Variants in GABRB1 observed in about 807,000 individuals in gnomAD.
GABRB1 encodes gamma-aminobutyric acid type A receptor subunit beta1.
GABRB1 carries 17 observed loss-of-function variants against 51.6 expected under a neutral mutation model. The ratio of observed to expected loss-of-function variants is 0.33; its 90% CI spans 0.23 to 0.49. The LOEUF is 0.49. Ranked by LOEUF, GABRB1 falls within the 20% of genes least tolerant of loss-of-function variation. The pLI, the probability that GABRB1 is intolerant of heterozygous loss-of-function variation, is 0.99. For synonymous variants in GABRB1, 247 were observed against 218.9 expected, an observed-to-expected ratio of 1.13 and a Z score of -1.14; for missense variants, 410 against 600.6, an observed-to-expected ratio of 0.68 and a Z score of 3.32.
chr4:47,092,908 C>T (rs1187910331), intron 3 of GABRB1, among the ~76,000 whole-genome samples: 3 of 152,152 alleles, frequency 2.0e-5, no homozygotes, highest in African/African-American at 4.8e-5. Flanking sequence ...CCACTGCGTC[C>T]CGCCGGCATA....
intron 4 of GABRB1, among the ~76,000 whole-genome samples, chr4:47,238,908 T>C (rs570574449): frequency 2.2e-4 from 33 of 152,332 alleles, no homozygotes; most frequent in African/African-American, 7.9e-4. Context: ...GGATGAAACA[T>C]TAATGCTTCA....
chr4:47,240,214 C>T (rs1378499398), intron 4 of GABRB1, among the ~76,000 whole-genome samples: 1 of 152,100 alleles, frequency 6.6e-6, no homozygotes, highest in Admixed American at 6.6e-5. Context: ...CTAAATTTTT[C>T]TGAGCTAGTT....
At chr4:47,020,982 G>A (rs1156543113) in intron 1 of GABRB1, among the ~76,000 whole-genome samples, 3 of 152,142 alleles carry the variant, frequency 2.0e-5, no homozygotes, top group Non-Finnish European at 4.4e-5. Flanking sequence ...GCAGTTTTCT[G>A]TTGGTAGTGC....
chr4:47,211,242 C>T lies in GABRB1; in HGVS notation c.461+49773C>T, dbSNP rs75128827. Among the ~76,000 whole-genome samples the T allele has an allele frequency of 3.0e-3, 454 of 152,250 alleles. 3 individuals are homozygous for T. The highest frequency in any genetic ancestry group is 0.011 in the African/African-American group (444 of 41,546). On this transcript the variant is annotated intron_variant, in intron 4 of 8. Transcript: ENST00000295454. ...ATCTACTCACTGTAGCTTAGCTGTT[C>T]ATTCCAGGAGGGTCTCCTAGTGAGT...
intron 4 of GABRB1, among the ~76,000 whole-genome samples, chr4:47,262,644 C>T (rs1246445755): frequency 6.6e-6 from 1 of 152,158 alleles, no homozygotes; most frequent in Non-Finnish European, 1.5e-5. Context: ...GGCGATTCTT[C>T]AGGGATCTGG....
intron 5 of GABRB1, among the ~76,000 whole-genome samples, chr4:47,359,202 C>G (rs571894548): frequency 6.6e-5 from 10 of 152,176 alleles, no homozygotes; most frequent in African/African-American, 2.4e-4. Context: ...TCTCACAGCT[C>G]TTGCAAAGAT....
In GABRB1 at chr4:47,333,194, T is replaced by A. The variant is rs13122311; in HGVS notation, c.544+12985T>A. Among the ~76,000 whole-genome samples the A allele has an allele frequency of 2.8e-3, 320 of 113,044 alleles. 5 individuals carry two copies. Among genetic ancestry groups the A allele is most frequent in the South Asian group, 7.8e-3 (28 of 3,602 alleles). The allele number at this position is 113,044 out of a possible 152,430, so 74.2% of individuals were successfully genotyped here. On this transcript the variant is annotated intron_variant, in intron 5 of 8. Transcript: ENST00000295454. ...CATATATATTTAAAACCCATTTTAT[T>A]TATATATATATATATATATATATAT...
In GABRB1 at chr4:47,211,123, AC is replaced by A. The variant is rs201476126; in HGVS notation, c.461+49657del. On this transcript the variant is annotated intron_variant, in intron 4 of 8. Coordinates refer to ENST00000295454, the MANE Select transcript of GABRB1 (RefSeq NM_000812.4). ...ACTACTTCTTTCCCACGTTACCAGA[AC>A]CCACTTGCCTTTTTATATTTTTTAT... Among the ~76,000 whole-genome samples the A allele has an allele frequency of 8.6e-3, 1,309 of 152,214 alleles. 17 individuals carry two copies. Among genetic ancestry groups the A allele is most frequent in the African/African-American group, 0.03 (1,242 of 41,524 alleles).
chr4:47,266,213 T>G (rs1366456581), intron 4 of GABRB1, among the ~76,000 whole-genome samples: 21 of 152,188 alleles, frequency 1.4e-4, no homozygotes, highest in Non-Finnish European at 2.8e-4. Context: ...CCCCAGTTTG[T>G]TTTTGTCCAC....
chr4:47,113,672 A>T (rs147622085), intron 3 of GABRB1, among the ~76,000 whole-genome samples: 1 of 152,368 alleles, frequency 6.6e-6, no homozygotes, highest in Non-Finnish European at 1.5e-5. Context: ...CCTAATGCTC[A>T]GATCCTTAAT....
chr4:47,066,524 T>G (rs1294281562), intron 3 of GABRB1, among the ~76,000 whole-genome samples: 4 of 152,244 alleles, frequency 2.6e-5, no homozygotes, highest in Non-Finnish European at 5.9e-5. Flanking sequence ...TTATGGAATA[T>G]TCTAAATCCT....
chr4:47,404,643 T>C (rs1453996747), intron 7 of GABRB1, among the ~76,000 whole-genome samples: 1 of 152,206 alleles, frequency 6.6e-6, no homozygotes, highest in African/African-American at 2.4e-5. Context: ...CTACAGCTTA[T>C]TTGTAATGGC....
intron 4 of GABRB1, among the ~76,000 whole-genome samples, chr4:47,176,989 T>A (rs1718731070): frequency 6.6e-6 from 1 of 152,178 alleles, no homozygotes. Flanking sequence ...AGCCTGAATT[T>A]GAAACCAGTC....
intron 4 of GABRB1, among the ~76,000 whole-genome samples, chr4:47,271,072 GA>G (rs1261677323): frequency 6.6e-6 from 1 of 151,992 alleles, no homozygotes; most frequent in Non-Finnish European, 1.5e-5. Context: ...AGTTATCTCT[GA>G]TAATATTTTT....
At chr4:47,015,115 C>A (rs1451971082) in intron 1 of GABRB1, among the ~76,000 whole-genome samples, 6 of 152,124 alleles carry the variant, frequency 3.9e-5, no homozygotes, top group Non-Finnish European at 8.8e-5. Flanking sequence ...ACCATGTTGG[C>A]CAGGCTGGTC....
At chr4:47,091,282 G>A (rs1230312618) in intron 3 of GABRB1, among the ~76,000 whole-genome samples, 1 of 151,902 alleles carries the variant, frequency 6.6e-6, no homozygotes, top group Non-Finnish European at 1.5e-5. Flanking sequence ...CCATTATATT[G>A]TATTTTTTAT....
chr4:47,104,238 T>C lies in GABRB1; in HGVS notation c.241-57011T>C, dbSNP rs545507054. 5.3e-5 allele frequency among the ~76,000 whole-genome samples: 8 copies of C among 151,892 alleles called. No individual in the cohort carries two copies. The East Asian group carries it at 1.5e-3, about 29-fold the overall frequency. On this transcript the variant is annotated intron_variant, in intron 3 of 8. Transcript: ENST00000295454. ...TTTCTCTTCATTTTCTTCTGTTGCA[T>C]GGTTTCTAATAAAAAGTATAATATA... is the stretch of plus-strand genomic sequence containing the variant.
chr4:47,207,712 A>C (rs190291476), intron 4 of GABRB1, among the ~76,000 whole-genome samples: 44 of 152,164 alleles, frequency 2.9e-4, no homozygotes, highest in African/African-American at 9.6e-4. Context: ...CTTGTTTAGA[A>C]GTGCCTTCTC....
chr4:47,401,561 A>T (rs978010545), intron 5 of GABRB1, among the ~76,000 whole-genome samples: 6 of 152,204 alleles, frequency 3.9e-5, no homozygotes, highest in Non-Finnish European at 7.3e-5. Flanking sequence ...GGGGGAAAGA[A>T]AATCCCATGA....
Sources: allele counts gnomAD v4.1 joint callset (sites outside exome capture counted in the v4.1 genomes callset), GRCh38; gene constraint gnomAD v4.1.1; transcripts MANE v1.5; gene names NCBI Gene and HGNC (gene_info 2026-07-23, HGNC 2026-07-21).